CD2AP: variants seen among roughly 807,000 people sequenced by gnomAD.
CD2AP encodes CD2 associated protein.
CD2AP carries 46 observed loss-of-function variants against 85.1 expected under a neutral mutation model. The ratio of observed to expected loss-of-function variants is 0.54; its 90% CI spans 0.43 to 0.69. CD2AP has a LOEUF of 0.69. CD2AP is among the 30% of genes least tolerant of loss of function. The pLI, the probability that CD2AP is intolerant of heterozygous loss-of-function variation, is 0.00. For missense variants in CD2AP, 769 were observed against 729.5 expected (o/e 1.05, Z -0.62); for synonymous variants, 255 against 252.9 (o/e 1.01, Z -0.08).
chr6:47,533,696 C>T lies in CD2AP; in HGVS notation c.260C>T (p.Thr87Ile). ...GCAAGTCTTGTACAACGAATAAGCACCTATGGACTTCCAGCTGGAGGAATT... is the reference window on the plus strand; with the variant it reads ...GCAAGTCTTGTACAACGAATAAGCATCTATGGACTTCCAGCTGGAGGAATT... ...NVASLVQRIS[T>I]YGLPAGGIQP... The change falls in exon 3 of 18, where the codon ACC (threonine) becomes ATC (isoleucine). Residue 87 changes from threonine (T) to isoleucine (I), a missense_variant. Transcript: ENST00000359314. The T allele has an allele frequency of 6.2e-7, 1 of 1,614,088 alleles. No homozygotes were observed. Among genetic ancestry groups the T allele is most frequent in the Non-Finnish European group, 8.5e-7 (1 of 1,180,008 alleles).
chr6:47,570,146 T>C (rs915418819), intron 5 of CD2AP, among the ~76,000 whole-genome samples: 13 of 152,214 alleles, frequency 8.5e-5, no homozygotes, highest in African/African-American at 1.7e-4. Flanking sequence ...GATTTCTTTT[T>C]TTTTTTTAAG....
chr6:47,591,450 A>C (rs933028106), intron 11 of CD2AP, among the ~76,000 whole-genome samples: 1 of 152,190 alleles, frequency 6.6e-6, no homozygotes, highest in Admixed American at 6.5e-5. Context: ...AAAATTTTCT[A>C]AAATGTTAGG....
intron 13 of CD2AP, 66 bp from the exon 14 acceptor site, chr6:47,606,099 A>C (rs556871558): frequency 2.8e-4 from 240 of 865,832 alleles, no homozygotes; most frequent in Non-Finnish European, 4.2e-4. Flanking sequence ...AAAAACTGAA[A>C]CATTATTTTT....
chr6:47,531,316 TA>T (rs889697789), intron 2 of CD2AP, among the ~76,000 whole-genome samples: 32 of 152,092 alleles, frequency 2.1e-4, no homozygotes, highest in African/African-American at 7.7e-4. Context: ...TAAATGTTTA[TA>T]TTTTAACAAT....
intron 17 of CD2AP, among the ~76,000 whole-genome samples, chr6:47,615,788 AT>A (rs1475427779): frequency 0.022 from 2,024 of 92,166 alleles, 30 homozygotes; most frequent in Non-Finnish European, 0.033. Context: ...TTTTAATTTA[AT>A]TTAATTTATT....
At chr6:47,498,413 C>G (rs920752397) in intron 1 of CD2AP, among the ~76,000 whole-genome samples, 4 of 152,088 alleles carry the variant, frequency 2.6e-5, no homozygotes, top group African/African-American at 9.7e-5. Flanking sequence ...AATATGAATA[C>G]GTTTTAAAAT....
At chr6:47,609,660 G>T (rs1426528369) in intron 16 of CD2AP, 1 of 190,068 alleles carries the variant, frequency 5.3e-6, no homozygotes, top group East Asian at 1.4e-4. Context: ...GAACATGCCA[G>T]TGCGCTCCAG....
intron 11 of CD2AP, among the ~76,000 whole-genome samples, chr6:47,589,449 AATAT>A (rs1191247426): frequency 3.4e-5 from 5 of 147,342 alleles, no homozygotes; most frequent in Non-Finnish European, 6.0e-5. Context: ...CACACACACA[AATAT>A]ATATACATAT....
rs559576240 is a variant in CD2AP at position 47,616,865 on chromosome 6, C to T, written c.1878+4329C>T. 3.9e-4 allele frequency among the ~76,000 whole-genome samples: 60 copies of T among 152,324 alleles called. No homozygotes were observed. The South Asian group carries it at 8.9e-3, about 23-fold the overall frequency. On this transcript the variant is annotated intron_variant, in intron 17 of 17. Transcript: ENST00000359314. Reference sequence around the variant, plus strand: ...CTTCTTCAGTGCCTGCAACAGATCACATTTTTTACCATTGCCACCCTGTCA... The same window carrying T: ...CTTCTTCAGTGCCTGCAACAGATCATATTTTTTACCATTGCCACCCTGTCA...
intron 2 of CD2AP, among the ~76,000 whole-genome samples, chr6:47,512,937 T>G (rs1460296689): frequency 6.6e-6 from 1 of 152,234 alleles, no homozygotes; most frequent in Non-Finnish European, 1.5e-5. Context: ...GATTTCAACA[T>G]GGATACATAA....
intron 17 of CD2AP, among the ~76,000 whole-genome samples, chr6:47,623,963 A>G (rs1482288505): frequency 6.6e-6 from 1 of 152,100 alleles, no homozygotes; most frequent in African/African-American, 2.4e-5. Flanking sequence ...TTCTGGCTGA[A>G]AGGGCTATAA....
chr6:47,534,459 CA>C (rs1562020326), intron 3 of CD2AP, among the ~76,000 whole-genome samples: 2 of 152,192 alleles, frequency 1.3e-5, no homozygotes, highest in Non-Finnish European at 2.9e-5. Flanking sequence ...GTAATCCCAG[CA>C]CTTTGGGAGG....
chr6:47,534,768 A>G (rs1407703902), intron 3 of CD2AP, among the ~76,000 whole-genome samples: 1 of 152,114 alleles, frequency 6.6e-6, no homozygotes, highest in Non-Finnish European at 1.5e-5. Context: ...ATGTTTTAAC[A>G]CAGTAAAACC....
rs1769897652 is a variant in CD2AP, at chr6:47,626,049, C to T, written c.*1822C>T. ...AAAATATTGTAATCCTAGAAATTAT[C>T]CTCCAGCTTTCTCACCTGAAAATCT... On this transcript the variant is annotated 3_prime_UTR_variant, in exon 18 of 18. Transcript: ENST00000359314. The T allele has an allele frequency of 6.6e-6, 1 of 151,884 alleles. No individual in the cohort carries two copies. Among genetic ancestry groups the T allele is most frequent in the East Asian group, 1.9e-4 (1 of 5,202 alleles). The allele number at this position is 151,884 out of a possible 1,614,324, so 9.4% of individuals were successfully genotyped here. A position where few individuals can be genotyped will look rare whatever the true frequency, so the allele number is the denominator to read the frequency against.
At chr6:47,568,916 A>T (rs148467802) in intron 5 of CD2AP, among the ~76,000 whole-genome samples, 1 of 152,260 alleles carries the variant, frequency 6.6e-6, no homozygotes, top group Non-Finnish European at 1.5e-5. Flanking sequence ...AGAAGGAGAG[A>T]GCCAGAAAGA....
intron 1 of CD2AP, among the ~76,000 whole-genome samples, chr6:47,489,977 T>TG (rs1765686449): frequency 6.7e-5 from 5 of 74,372 alleles, no homozygotes; most frequent in Non-Finnish European, 2.1e-4. Context: ...CTTTTTTTTT[T>TG]TTTTTTTTTT....
intron 14 of CD2AP, 58 bp downstream of exon 14, chr6:47,606,335 G>A (rs1769269871): frequency 2.1e-6 from 2 of 970,944 alleles, no homozygotes; most frequent in South Asian, 2.6e-5. Context: ...GAGTCCATTG[G>A]AAGATAGAGG....
At chr6:47,547,360 T>C (rs1228657324) in intron 4 of CD2AP, among the ~76,000 whole-genome samples, 1 of 151,990 alleles carries the variant, frequency 6.6e-6, no homozygotes. Flanking sequence ...TTCATGCAAA[T>C]GGACAGCAGG....
chr6:47,560,998 T>C (rs754766551), intron 5 of CD2AP, among the ~76,000 whole-genome samples: 7 of 152,198 alleles, frequency 4.6e-5, no homozygotes, highest in Non-Finnish European at 8.8e-5. Context: ...TATTTATCAG[T>C]GTGGGCTCAT....
Sources: gnomAD v4.1 joint callset for allele counts (sites outside exome capture counted in the v4.1 genomes callset) on GRCh38, gnomAD v4.1.1 for gene constraint, MANE v1.5 for transcripts, NCBI Gene and HGNC (gene_info 2026-07-23, HGNC 2026-07-21) for gene names.